The following CFAP161 variants were observed in gnomAD, a reference collection of about 807,000 sequenced individuals.
CFAP161 encodes the protein cilia and flagella associated protein 161, also known as cilia- and flagella-associated protein 161.
CFAP161 carries 25 observed loss-of-function variants against 29.0 expected under a neutral mutation model. The observed-to-expected ratio is 0.86, with a 90% confidence interval of 0.63 to 1.20. The LOEUF is 1.20. Ranked by LOEUF, CFAP161 falls within the 50% of genes most tolerant of loss-of-function variation. The pLI, the probability that CFAP161 is intolerant of heterozygous loss-of-function variation, is 0.00. For missense variants in CFAP161, 367 were observed against 371.9 expected (o/e 0.99, Z 0.11); for synonymous variants, 116 against 137.4 (o/e 0.84, Z 1.09).
In CFAP161 at chr15:81,136,757, A is replaced by T. The variant is rs765471393; in HGVS notation, c.392+9A>T. ...ACTTTTATCATTTTGAGGTAAAGAG[A>T]CTTTAATTTTCAGTTCATTTTCATC... is the stretch of plus-strand genomic sequence containing the variant. On this transcript the variant is annotated intron_variant, in intron 3 of 6. Coordinates refer to ENST00000286732, the MANE Select transcript of CFAP161 (RefSeq NM_173528.4). 2 of 1,599,170 alleles carry T rather than the reference A, an allele frequency of 1.3e-6. No homozygotes were observed. Among genetic ancestry groups the T allele is most frequent in the South Asian group, 1.1e-5 (1 of 90,560 alleles).
chr15:81,127,308 G>A (rs1420895499), intron 1 of CFAP161, among the ~76,000 whole-genome samples: 1 of 152,014 alleles, frequency 6.6e-6, no homozygotes, highest in Non-Finnish European at 1.5e-5. Context: ...AACAAGTAAG[G>A]GAAAAAGTCA....
At chr15:81,114,828 T>C (rs1894477577) in intron 1 of CFAP161, among the ~76,000 whole-genome samples, 1 of 152,130 alleles carries the variant, frequency 6.6e-6, no homozygotes, top group Admixed American at 6.6e-5. Flanking sequence ...CACGCCCAGC[T>C]AATTTTTTGT....
At chr15:81,103,441 A>G (rs375611165) in intron 1 of CFAP161, among the ~76,000 whole-genome samples, 24 of 152,198 alleles carry the variant, frequency 1.6e-4, no homozygotes, top group African/African-American at 5.3e-4. Context: ...TCCTGGAGAA[A>G]GGATTGGGGA....
At chr15:81,105,167 T>TTCCTC (rs1894353136) in intron 1 of CFAP161, among the ~76,000 whole-genome samples, 1 of 32,230 alleles carries the variant, frequency 3.1e-5, no homozygotes, top group Non-Finnish European at 5.7e-5. Flanking sequence ...CTCCCTTCCT[T>TTCCTC]CCTCCCTCCC....
At chr15:81,132,590 T>A (rs984113256), upstream of CFAP161, among the ~76,000 whole-genome samples, 5 of 152,194 alleles carry the variant, frequency 3.3e-5, no homozygotes, top group African/African-American at 1.2e-4. Flanking sequence ...ATTGTATTAT[T>A]GGGTCTATTA....
intron 5 of CFAP161, among the ~76,000 whole-genome samples, chr15:81,146,892 C>T (rs1266946282): frequency 1.1e-5 from 1 of 89,420 alleles, no homozygotes; most frequent in East Asian, 3.1e-4. Context: ...ATTTAAAAAG[C>T]TACATACATC....
chr15:81,148,017 G>A (rs1008359920), intron 6 of CFAP161, 86 bp downstream of exon 6: 15 of 1,078,364 alleles, frequency 1.4e-5, no homozygotes, highest in Non-Finnish European at 2.0e-5. Context: ...GATAGTGTAT[G>A]GCTGCACATA....
At chr15:81,136,341 G>A (rs1396138110) in intron 2 of CFAP161, among the ~76,000 whole-genome samples, 175 bp from the exon 3 acceptor site, 2 of 152,152 alleles carry the variant, frequency 1.3e-5, no homozygotes, top group Non-Finnish European at 2.9e-5. Flanking sequence ...TGGAATTATT[G>A]GGAGCTTTGC....
intron 5 of CFAP161, 120 bp downstream of exon 5, chr15:81,143,940 CT>C (rs530856219): frequency 1.6e-4 from 179 of 1,123,956 alleles, no homozygotes; most frequent in South Asian, 3.2e-4. Flanking sequence ...TCTTTTCTGT[CT>C]TTTTTTTTCC....
chr15:81,131,862 G>A (rs976067251), upstream of CFAP161, among the ~76,000 whole-genome samples: 1 of 151,866 alleles, frequency 6.6e-6, no homozygotes, highest in African/African-American at 2.4e-5. Flanking sequence ...AAGAAAAGAG[G>A]TCAATATCCA....
chr15:81,128,367 A>C (rs1352573882), intron 2 of CFAP161, among the ~76,000 whole-genome samples: 1 of 152,178 alleles, frequency 6.6e-6, no homozygotes, highest in Non-Finnish European at 1.5e-5. Flanking sequence ...AGTTTATGTA[A>C]TAGTCTAAAT....
In CFAP161 at chr15:81,100,343, C is replaced by T. The variant is rs1413117792; in HGVS notation, c.-141-27247C>T. 2.6e-5 allele frequency among the ~76,000 whole-genome samples: 4 copies of T among 151,450 alleles called. 1 individual carries two copies. The highest frequency in any genetic ancestry group is 4.8e-5 in the African/African-American group (2 of 41,374). ...TCTATTATAGAGTTCTTTATTTTGA[C>T]GTACAGATCAACTGCATAGTATTTT... On this transcript the variant is annotated intron_variant, in intron 1 of 4. Coordinates refer to the CFAP161 transcript ENST00000560091.
At chr15:81,133,224 TGTA>T (rs1485052686), upstream of CFAP161, among the ~76,000 whole-genome samples, 432 of 21,610 alleles carry the variant, frequency 0.02, 10 homozygotes, top group Non-Finnish European at 0.026. Flanking sequence ...TATATATATA[TGTA>T]TTTTTTTTTA....
At chr15:81,118,893 T>C (rs1170732941) in intron 1 of CFAP161, among the ~76,000 whole-genome samples, 1 of 152,184 alleles carries the variant, frequency 6.6e-6, no homozygotes, top group Non-Finnish European at 1.5e-5. Flanking sequence ...TTATAAACTA[T>C]AGATAGCTTG....
rs113593812 is a variant in CFAP161, at chr15:81,111,342, T to C, written c.-141-16248T>C. ...TTGAAAGGATTTGCCCATTGCAGTG[T>C]CATTTTTCCAAGACCTGACAATATC... On this transcript the variant is annotated intron_variant, in intron 1 of 4. Transcript: ENST00000560091. 2.0e-3 allele frequency among the ~76,000 whole-genome samples: 301 copies of C among 152,362 alleles called. 2 individuals carry two copies. Among genetic ancestry groups the C allele is most frequent in the African/African-American group, 6.9e-3 (286 of 41,588 alleles).
At chr15:81,147,819 G>A (rs1389521977) in intron 5 of CFAP161, 39 bp from the exon 6 acceptor site, 1 of 1,406,732 alleles carries the variant, frequency 7.1e-7, no homozygotes, top group Non-Finnish European at 9.7e-7. Context: ...AAAAAAAAAT[G>A]TTTAGAATGC....
At chr15:81,140,603 G>A (rs770021618) in intron 4 of CFAP161, among the ~76,000 whole-genome samples, 1 of 150,888 alleles carries the variant, frequency 6.6e-6, no homozygotes, top group Non-Finnish European at 1.5e-5. Flanking sequence ...CTGTCACTTA[G>A]GCTGGAGTAC....
At chr15:81,123,625 T>C (rs1894603554) in intron 1 of CFAP161, among the ~76,000 whole-genome samples, 1 of 152,258 alleles carries the variant, frequency 6.6e-6, no homozygotes, top group African/African-American at 2.4e-5. Context: ...TAAACTGCTG[T>C]AGGCAGTATG....
chr15:81,142,396 C>G (rs1894926414), intron 4 of CFAP161, among the ~76,000 whole-genome samples: 1 of 152,092 alleles, frequency 6.6e-6, no homozygotes, highest in African/African-American at 2.4e-5. Context: ...CCCCATTGCC[C>G]TTTGAATGAA....
Sources: gnomAD v4.1 joint callset for allele counts (sites outside exome capture counted in the v4.1 genomes callset) on GRCh38, gnomAD v4.1.1 for gene constraint, MANE v1.5 for transcripts, NCBI Gene and HGNC (gene_info 2026-07-23, HGNC 2026-07-21) for gene names.